DCAF6: variants seen among roughly 807,000 people sequenced by gnomAD.
DCAF6 encodes DDB1 and CUL4 associated factor 6.
Under a neutral mutation model 125.1 loss-of-function variants are expected in DCAF6, and 54 were observed. That is an observed-to-expected ratio of 0.43 (90% CI 0.35 to 0.54). DCAF6 has a LOEUF of 0.54. DCAF6 is among the 20% of genes least tolerant of loss of function. The probability of loss-of-function intolerance (pLI) is 0.01; values close to 1 mark genes in which losing one functional copy is unlikely to be tolerated. For missense variants in DCAF6, 934 were observed against 1,161.7 expected, an observed-to-expected ratio of 0.80 and a Z score of 2.85; for synonymous variants, 371 against 390.4, an observed-to-expected ratio of 0.95 and a Z score of 0.58.
the DCAF6 span, chr1:167,903,762 A>G: frequency 1.4e-6 from 1 of 726,978 alleles, no homozygotes; most frequent in Non-Finnish European, 2.5e-6. Flanking sequence ...GACTGGTTTT[A>G]TACACATTTC....
At chr1:168,029,207 A>T (rs1686729896) in intron 12 of DCAF6, among the ~76,000 whole-genome samples, 1 of 152,242 alleles carries the variant, frequency 6.6e-6, no homozygotes, top group Non-Finnish European at 1.5e-5. Context: ...TATCATAAAA[A>T]TAACTGACAT....
At chr1:168,055,006 C>T (rs430565) in intron 17 of DCAF6, among the ~76,000 whole-genome samples, 14,715 of 151,708 alleles carry the variant, frequency 0.097, 2,154 homozygotes, top group African/African-American at 0.32. Flanking sequence ...TTAGTAGAGA[C>T]GGGGTTTTTA....
At position 167,988,251 on chromosome 1, in the gene DCAF6, T is replaced by G. The variant is rs114217863; in HGVS notation, c.552+643T>G. 4.0e-3 allele frequency among the ~76,000 whole-genome samples: 604 copies of G among 152,226 alleles called. 3 individuals are homozygous for G. Among genetic ancestry groups the G allele is most frequent in the African/African-American group, 0.014 (562 of 41,522 alleles). ...TCCTAGCTCACTGCAGCCTCAATCT[T>G]CTGGGCTCGAGTAATCTTCCTGCCT... On this transcript the variant is annotated intron_variant, in intron 5 of 21. Transcript: ENST00000367840.
chr1:168,028,872 A>G lies in DCAF6; in HGVS notation c.1609+5825A>G, dbSNP rs561840274. Reference sequence around the variant, plus strand: ...CTAGTGATTGAAGCTTGCTGTATTAATAAGAATATAAGTTCAGTATTCCCC... The same window carrying G: ...CTAGTGATTGAAGCTTGCTGTATTAGTAAGAATATAAGTTCAGTATTCCCC... On this transcript the variant is annotated intron_variant, in intron 12 of 21. Coordinates refer to ENST00000367840, the MANE Select transcript of DCAF6 (RefSeq NM_001198956.2). Among the ~76,000 whole-genome samples the G allele has an allele frequency of 2.0e-5, 3 of 152,288 alleles. No individual in the cohort carries two copies. In the East Asian group the frequency reaches 5.8e-4, roughly 29 times the overall value.
chr1:167,998,549 G>A (rs1682103895), intron 7 of DCAF6: 2 of 166,062 alleles, frequency 1.2e-5, no homozygotes, highest in Non-Finnish European at 1.3e-5. Context: ...ATTGGAGTCA[G>A]TCCTTTCAAA....
intron 3 of DCAF6, among the ~76,000 whole-genome samples, chr1:167,971,916 C>T (rs1024101529): frequency 1.2e-4 from 18 of 152,012 alleles, no homozygotes; most frequent in African/African-American, 3.9e-4. Context: ...AGTGCAGTGG[C>T]GTATTCTCAG....
chr1:167,960,102 G>A (rs979899739), intron 2 of DCAF6, among the ~76,000 whole-genome samples: 1 of 151,764 alleles, frequency 6.6e-6, no homozygotes, highest in Non-Finnish European at 1.5e-5. Context: ...ATATCCAGTT[G>A]TAGCAGCACC....
the DCAF6 span, among the ~76,000 whole-genome samples, chr1:167,912,584 A>G: frequency 6.6e-6 from 1 of 152,210 alleles, no homozygotes; most frequent in South Asian, 2.1e-4. Context: ...TGTAATATAT[A>G]CCTAGCTGAC....
At chr1:168,055,204 A>G (rs1157216781) in intron 17 of DCAF6, among the ~76,000 whole-genome samples, 2 of 152,132 alleles carry the variant, frequency 1.3e-5, no homozygotes, top group Non-Finnish European at 2.9e-5. Flanking sequence ...CTATGAAAGT[A>G]GAGATATAGA....
chr1:168,037,103 C>T (rs965420224), intron 12 of DCAF6, among the ~76,000 whole-genome samples: 113 of 148,316 alleles, frequency 7.6e-4, no homozygotes, highest in African/African-American at 2.1e-3. Context: ...TTCTCCCCCC[C>T]CTTTTTTTTT....
At chr1:167,969,293 A>G (rs896393366) in intron 3 of DCAF6, 7 of 152,186 alleles carry the variant, frequency 4.6e-5, no homozygotes, top group African/African-American at 1.7e-4. Context: ...CATAGAATGT[A>G]ATCTTCAGCC....
chr1:167,998,678 A>T (rs1163338680), intron 7 of DCAF6: 1 of 153,552 alleles, frequency 6.5e-6, no homozygotes, highest in African/African-American at 2.4e-5. Context: ...ATGAGCAAAG[A>T]AAGTGGTTTG....
intron 1 of DCAF6, among the ~76,000 whole-genome samples, chr1:167,940,129 C>T (rs1672004941): frequency 6.6e-6 from 1 of 152,140 alleles, no homozygotes; most frequent in Non-Finnish European, 1.5e-5. Context: ...TTAATTATCT[C>T]CTTTCTTCCC....
At chr1:168,039,237 T>C (rs1688198588) in intron 13 of DCAF6, among the ~76,000 whole-genome samples, 1 of 152,054 alleles carries the variant, frequency 6.6e-6, no homozygotes, top group Admixed American at 6.6e-5. Flanking sequence ...ATAGTCCTAC[T>C]AGACACATGT....
At chr1:167,941,547 T>G (rs1672238964) in intron 1 of DCAF6, among the ~76,000 whole-genome samples, 1 of 152,222 alleles carries the variant, frequency 6.6e-6, no homozygotes, top group Non-Finnish European at 1.5e-5. Context: ...TATATAAACC[T>G]TACTAGATGG....
chr1:167,945,770 G>A (rs539009500), intron 1 of DCAF6, among the ~76,000 whole-genome samples: 2 of 150,838 alleles, frequency 1.3e-5, no homozygotes, highest in South Asian at 4.2e-4. Context: ...AAAGTGCTGG[G>A]ATTACAGGCG....
At chr1:168,004,875 T>G in intron 10 of DCAF6, 82 bp downstream of exon 10, 1 of 1,420,380 alleles carries the variant, frequency 7.0e-7, no homozygotes, top group Admixed American at 2.2e-5. Context: ...AGATACTAAA[T>G]CACATCAACT....
the DCAF6 span, among the ~76,000 whole-genome samples, chr1:167,881,365 G>A: frequency 8.5e-5 from 13 of 152,288 alleles, no homozygotes; most frequent in East Asian, 2.5e-3. Flanking sequence ...TTTTTGACAT[G>A]TTACATCCTG....
intron 6 of DCAF6, among the ~76,000 whole-genome samples, chr1:167,992,543 G>GC (rs1358055310): frequency 6.6e-6 from 1 of 152,060 alleles, no homozygotes; most frequent in Non-Finnish European, 1.5e-5. Flanking sequence ...GAAATAATAG[G>GC]CTTAATTATT....
Sources: allele counts gnomAD v4.1 joint callset (sites outside exome capture counted in the v4.1 genomes callset), GRCh38; gene constraint gnomAD v4.1.1; transcripts MANE v1.5; gene names NCBI Gene and HGNC (gene_info 2026-07-23, HGNC 2026-07-21).